Variants in TEX36 observed in about 807,000 individuals in gnomAD.
TEX36 encodes the protein testis expressed 36, also known as testis-expressed protein 36.
Under a neutral mutation model 13.6 loss-of-function variants are expected in TEX36, and 12 were observed. The observed-to-expected ratio is 0.88, with a 90% CI of 0.56 to 1.43. The LOEUF is 1.43. Ranked by LOEUF, TEX36 falls within the 40% of genes most tolerant of loss-of-function variation. The pLI is 0.00. For synonymous variants in TEX36, 93 were observed against 83.0 expected (o/e 1.12, Z -0.65); for missense variants, 224 against 228.3 (o/e 0.98, Z 0.12).
In TEX36 at chr10:125,669,942, T is replaced by C. The variant is rs371265246; in HGVS notation, c.52-7965A>G. Among the ~76,000 whole-genome samples the C allele has an allele frequency of 9.8e-5, 15 of 152,386 alleles. No individual in the cohort carries two copies. The South Asian group carries it at 3.1e-3, about 32-fold the overall frequency. On this transcript the variant is annotated intron_variant, in intron 1 of 3. Coordinates refer to ENST00000368821, the MANE Select transcript of TEX36 (RefSeq NM_001128202.3). ...AAGGACATGATCTCATTCCTTTTTA[T>C]GGCTGCATAATATTCCGTGGTGTAC...
At chr10:125,639,562 C>G (rs756428569) in intron 3 of TEX36, among the ~76,000 whole-genome samples, 19 of 129,034 alleles carry the variant, frequency 1.5e-4, no homozygotes, top group Non-Finnish European at 3.0e-4. Flanking sequence ...ACACATGATA[C>G]TGTGGCTACA....
At chr10:125,627,367 A>G (rs1164392450) in intron 3 of TEX36, among the ~76,000 whole-genome samples, 3 of 152,204 alleles carry the variant, frequency 2.0e-5, no homozygotes, top group Non-Finnish European at 4.4e-5. Flanking sequence ...CTAAAGACAA[A>G]TGGGATTCCT....
intron 3 of TEX36, among the ~76,000 whole-genome samples, chr10:125,642,373 T>C (rs1223714662): frequency 6.6e-6 from 1 of 152,204 alleles, no homozygotes; most frequent in African/African-American, 2.4e-5. Flanking sequence ...GGCATTCTGT[T>C]AAAACCAACC....
chr10:125,576,655 G>A, exon 4 of TEX36: 2 of 1,460,812 alleles, frequency 1.4e-6, no homozygotes, highest in Non-Finnish European at 1.8e-6. Flanking sequence ...TAACTAGCTA[G>A]GCTAAGACAA....
At chr10:125,598,083 C>T (rs977245344) in intron 3 of TEX36, among the ~76,000 whole-genome samples, 1 of 152,080 alleles carries the variant, frequency 6.6e-6, no homozygotes, top group African/African-American at 2.4e-5. Flanking sequence ...AGTGGCAGGC[C>T]CCTAAGAGGG....
intron 1 of TEX36, among the ~76,000 whole-genome samples, chr10:125,677,606 G>A: frequency 6.6e-6 from 1 of 151,980 alleles, no homozygotes; most frequent in Non-Finnish European, 1.5e-5. Flanking sequence ...TTCATATCCT[G>A]AATTATTTTT....
At chr10:125,628,559 C>T (rs909921647) in intron 3 of TEX36, among the ~76,000 whole-genome samples, 7 of 152,160 alleles carry the variant, frequency 4.6e-5, no homozygotes, top group Admixed American at 1.3e-4. Flanking sequence ...TTTTCTCTCC[C>T]GATGATGATA....
downstream of TEX36, among the ~76,000 whole-genome samples, chr10:125,620,417 C>T (rs2133559374): frequency 1.3e-5 from 2 of 152,276 alleles, no homozygotes; most frequent in South Asian, 4.1e-4. Flanking sequence ...TGTGAGTTTT[C>T]TGTTCATTCC....
chr10:125,657,350 G>A (rs186198812), intron 3 of TEX36, among the ~76,000 whole-genome samples: 5 of 152,226 alleles, frequency 3.3e-5, no homozygotes, highest in Admixed American at 6.5e-5. Context: ...GAGGGGACTG[G>A]GGAGGGATGT....
chr10:125,590,219 A>G (rs1846004538), intron 3 of TEX36, among the ~76,000 whole-genome samples: 1 of 151,938 alleles, frequency 6.6e-6, no homozygotes. Flanking sequence ...GGCTCAAGCA[A>G]TTCTCCCACT....
chr10:125,608,020 C>G (rs1430811304), intron 3 of TEX36, among the ~76,000 whole-genome samples: 1 of 152,138 alleles, frequency 6.6e-6, no homozygotes, highest in Admixed American at 6.6e-5. Flanking sequence ...CTGTGCCAGT[C>G]ATAGGAGCAG....
At chr10:125,678,260 A>C (rs939248492) in intron 1 of TEX36, among the ~76,000 whole-genome samples, 2 of 152,270 alleles carry the variant, frequency 1.3e-5, no homozygotes, top group South Asian at 2.1e-4. Flanking sequence ...GTAGTCATGC[A>C]GGCTTTATAT....
chr10:125,618,215 C>T (rs1218471088), downstream of TEX36, among the ~76,000 whole-genome samples: 1 of 152,228 alleles, frequency 6.6e-6, no homozygotes, highest in Non-Finnish European at 1.5e-5. Flanking sequence ...TTTTCAACTT[C>T]TTTGCCTTTG....
At chr10:125,579,623 T>C (rs1845862141) in intron 3 of TEX36, among the ~76,000 whole-genome samples, 2 of 152,168 alleles carry the variant, frequency 1.3e-5, no homozygotes, top group South Asian at 2.1e-4. Flanking sequence ...GTAATTTCCA[T>C]TGTTCGAGGA....
At chr10:125,586,784 C>T (rs1165931042) in intron 3 of TEX36, among the ~76,000 whole-genome samples, 2 of 151,060 alleles carry the variant, frequency 1.3e-5, no homozygotes, top group East Asian at 1.9e-4. Context: ...AAATGAGACC[C>T]TGTCTAAAAA....
chr10:125,596,539 G>T (rs760353056), intron 3 of TEX36, among the ~76,000 whole-genome samples: 2 of 152,170 alleles, frequency 1.3e-5, no homozygotes, highest in Non-Finnish European at 2.9e-5. Flanking sequence ...CAGCCTGGTT[G>T]ATACCTTGAT....
chr10:125,623,967 A>C (rs770368079), intron 3 of TEX36, among the ~76,000 whole-genome samples: 6 of 152,186 alleles, frequency 3.9e-5, no homozygotes, highest in Non-Finnish European at 8.8e-5. Context: ...CGTTAGTGGG[A>C]TTAACCCGTG....
At chr10:125,644,404 T>A (rs1024605699) in intron 3 of TEX36, among the ~76,000 whole-genome samples, 17 of 151,784 alleles carry the variant, frequency 1.1e-4, no homozygotes, top group African/African-American at 3.9e-4. Context: ...TGAAAAAAAA[T>A]TCTATAGCTA....
At chr10:125,636,449 C>G (rs566219666) in intron 3 of TEX36, among the ~76,000 whole-genome samples, 1 of 148,446 alleles carries the variant, frequency 6.7e-6, no homozygotes, top group South Asian at 2.2e-4. Flanking sequence ...CTCCTGACCT[C>G]GTGATCCACC....
Sources: gnomAD v4.1 joint callset for allele counts (sites outside exome capture counted in the v4.1 genomes callset) on GRCh38, gnomAD v4.1.1 for gene constraint, MANE v1.5 for transcripts, NCBI Gene and HGNC (gene_info 2026-07-23, HGNC 2026-07-21) for gene names.